SCFD2: variants seen among roughly 807,000 people sequenced by gnomAD.
SCFD2 encodes sec1 family domain-containing protein 2.
Under a neutral mutation model 58.9 loss-of-function variants are expected in SCFD2, and 54 were observed. The observed-to-expected ratio is 0.92, with a 90% CI of 0.74 to 1.15. The LOEUF is 1.15. Among genes scored for constraint, SCFD2 ranks in the 50% most tolerant of loss-of-function variants. The probability of loss-of-function intolerance (pLI) is 0.00; values close to 1 mark genes in which losing one functional copy is unlikely to be tolerated. For synonymous variants in SCFD2, 321 were observed against 335.9 expected (o/e 0.96, Z 0.49); for missense variants, 805 against 836.6 (o/e 0.96, Z 0.47).
At chr4:53,279,867 C>G (rs1009409144) in intron 3 of SCFD2, among the ~76,000 whole-genome samples, 1 of 152,090 alleles carries the variant, frequency 6.6e-6, no homozygotes. Flanking sequence ...CTTATAAAAC[C>G]ATCATGTCTT....
At chr4:53,064,537 T>C (rs1200911262) in intron 5 of SCFD2, among the ~76,000 whole-genome samples, 1 of 152,008 alleles carries the variant, frequency 6.6e-6, no homozygotes, top group East Asian at 1.9e-4. Flanking sequence ...TCAATACCAA[T>C]CTCTTGGAAA....
chr4:52,990,141 G>A (rs1721586008), intron 5 of SCFD2, among the ~76,000 whole-genome samples: 1 of 152,210 alleles, frequency 6.6e-6, no homozygotes, highest in African/African-American at 2.4e-5. Flanking sequence ...TGCTGAAGCA[G>A]GGGTCAAAAA....
intron 2 of SCFD2, among the ~76,000 whole-genome samples, chr4:53,347,893 G>A (rs537804907): frequency 3.3e-5 from 5 of 152,200 alleles, no homozygotes; most frequent in African/African-American, 1.2e-4. Flanking sequence ...CAGGGTTAGC[G>A]CAGAGCCAGA....
intron 4 of SCFD2, among the ~76,000 whole-genome samples, chr4:53,176,778 ATC>A (rs1196043882): frequency 6.6e-6 from 1 of 152,038 alleles, no homozygotes; most frequent in African/African-American, 2.4e-5. Context: ...GTGAAATCCC[ATC>A]TCTACTAAAA....
At chr4:52,958,683 C>A (rs1444028042) in intron 5 of SCFD2, among the ~76,000 whole-genome samples, 2 of 152,162 alleles carry the variant, frequency 1.3e-5, no homozygotes, top group Non-Finnish European at 2.9e-5. Context: ...ACATCAGCCA[C>A]CCATGGCCAG....
At chr4:53,127,478 A>G (rs1339355142) in intron 5 of SCFD2, among the ~76,000 whole-genome samples, 1 of 152,196 alleles carries the variant, frequency 6.6e-6, no homozygotes, top group East Asian at 1.9e-4. Flanking sequence ...CACAGAGTTT[A>G]TGATCCTGGA....
intron 5 of SCFD2, among the ~76,000 whole-genome samples, chr4:52,988,381 A>G (rs895564820): frequency 6.6e-6 from 1 of 152,136 alleles, no homozygotes; most frequent in Admixed American, 6.5e-5. Context: ...AACAGTGAAA[A>G]ACAAAATAAT....
intron 7 of SCFD2, among the ~76,000 whole-genome samples, chr4:52,890,951 C>G (rs1056564842): frequency 2.0e-5 from 3 of 152,114 alleles, no homozygotes; most frequent in Non-Finnish European, 4.4e-5. Context: ...CTCAGTTTCT[C>G]TTTATTTGTG....
chr4:53,266,789 C>T (rs1406583080), intron 4 of SCFD2, among the ~76,000 whole-genome samples: 1 of 152,142 alleles, frequency 6.6e-6, no homozygotes, highest in Non-Finnish European at 1.5e-5. Flanking sequence ...GATATTGGAC[C>T]TTGGAGATAA....
At chr4:53,274,052 T>C (rs1731258317) in intron 3 of SCFD2, 51 bp from the exon 4 acceptor site, 1 of 1,460,584 alleles carries the variant, frequency 6.8e-7, no homozygotes, top group Admixed American at 2.1e-5. Flanking sequence ...ATAGTACAAA[T>C]AATGAGAAGG....
intron 3 of SCFD2, among the ~76,000 whole-genome samples, chr4:53,304,179 A>G (rs1732437370): frequency 6.6e-6 from 1 of 151,796 alleles, no homozygotes; most frequent in African/African-American, 2.4e-5. Flanking sequence ...GCTTGTAGGG[A>G]TACTGCCAAG....
At chr4:52,924,598 C>A (rs556809042) in intron 5 of SCFD2, among the ~76,000 whole-genome samples, 3 of 152,142 alleles carry the variant, frequency 2.0e-5, no homozygotes, top group Non-Finnish European at 2.9e-5. Flanking sequence ...ATGATATATA[C>A]GTTTTAGGGA....
intron 7 of SCFD2, among the ~76,000 whole-genome samples, chr4:52,899,543 T>C (rs1719126823): frequency 1.3e-5 from 2 of 152,348 alleles, no homozygotes; most frequent in South Asian, 4.1e-4. Flanking sequence ...GGGCTTCCCT[T>C]TGTGGGTAAC....
chr4:53,257,030 A>G lies in SCFD2; in HGVS notation c.1311+16796T>C, dbSNP rs1295020781. Among the ~76,000 whole-genome samples the G allele has an allele frequency of 3.9e-5, 6 of 152,146 alleles. No homozygotes were observed. The East Asian group carries it at 1.2e-3, about 29-fold the overall frequency. ...GAAGGGACTAATACAGTGACAATATAATCTGTACAACAAACTCCCATGACA... is the reference window on the plus strand; with the variant it reads ...GAAGGGACTAATACAGTGACAATATGATCTGTACAACAAACTCCCATGACA... On this transcript the variant is annotated intron_variant, in intron 4 of 8. Coordinates refer to ENST00000401642, the MANE Select transcript of SCFD2 (RefSeq NM_152540.4).
At position 52,923,249 on chromosome 4, in the gene SCFD2, G is replaced by T. The variant is rs185994040; in HGVS notation, c.1562-2379C>A. On this transcript the variant is annotated intron_variant, in intron 5 of 8. Coordinates refer to ENST00000401642, the MANE Select transcript of SCFD2 (RefSeq NM_152540.4). ...CCCAGCACTTTGGAAGGCAGGGGCA[G>T]GTGGATCACTTGAGGTCAGGAGTTC... 4.1e-3 allele frequency among the ~76,000 whole-genome samples: 622 copies of T among 152,248 alleles called. 8 individuals carry two copies. The highest frequency in any genetic ancestry group is 0.014 in the African/African-American group (591 of 41,548).
At chr4:53,158,133 T>C (rs1726745829) in intron 4 of SCFD2, among the ~76,000 whole-genome samples, 1 of 152,132 alleles carries the variant, frequency 6.6e-6, no homozygotes, top group Non-Finnish European at 1.5e-5. Flanking sequence ...ATTATATAGT[T>C]CCAGCACAAA....
chr4:53,158,873 A>G (rs559138828), intron 4 of SCFD2, among the ~76,000 whole-genome samples: 2 of 152,266 alleles, frequency 1.3e-5, no homozygotes, highest in East Asian at 3.9e-4. Context: ...CCCTGCCTAG[A>G]CTGTTCTTTT....
chr4:52,968,503 C>T (rs1048923174), intron 5 of SCFD2, among the ~76,000 whole-genome samples: 20 of 152,228 alleles, frequency 1.3e-4, no homozygotes, highest in African/African-American at 4.6e-4. Flanking sequence ...TGTGTGTGTG[C>T]ATGCATGTAT....
intron 5 of SCFD2, among the ~76,000 whole-genome samples, chr4:52,973,275 T>G (rs1469115301): frequency 4.2e-4 from 64 of 150,884 alleles, no homozygotes; most frequent in African/African-American, 1.3e-3. Flanking sequence ...CCGCTAGCAA[T>G]ACTAATAAAG....
Sources: allele counts gnomAD v4.1 joint callset (sites outside exome capture counted in the v4.1 genomes callset), GRCh38; gene constraint gnomAD v4.1.1; transcripts MANE v1.5; gene names NCBI Gene and HGNC (gene_info 2026-07-23, HGNC 2026-07-21).